The following PLCG2 variants were observed in gnomAD, a reference collection of about 807,000 sequenced individuals.
The protein encoded by PLCG2 is phospholipase C gamma 2, also known as 1-phosphatidylinositol 4,5-bisphosphate phosphodiesterase gamma-2.
PLCG2 carries 69 observed loss-of-function variants against 175.6 expected under a neutral mutation model. The observed-to-expected ratio is 0.39, with a 90% CI of 0.32 to 0.48. The LOEUF (loss-of-function observed/expected upper bound fraction) is 0.48. PLCG2 is among the 20% of genes least tolerant of loss of function. The pLI, the probability that PLCG2 is intolerant of heterozygous loss-of-function variation, is 0.91. For missense variants in PLCG2, 1,798 were observed against 1,650.9 expected, an observed-to-expected ratio of 1.09 and a Z score of -1.54; for synonymous variants, 827 against 624.0, an observed-to-expected ratio of 1.33 and a Z score of -4.85.
chr16:81,936,866 C>A (rs3934957), intron 27 of PLCG2, among the ~76,000 whole-genome samples: 1 of 152,016 alleles, frequency 6.6e-6, no homozygotes, highest in Non-Finnish European at 1.5e-5. Context: ...CATCAGTAGC[C>A]TCCTTTACAT....
At position 81,869,293 on chromosome 16, in the gene PLCG2, T is replaced by A. The variant is rs1401199637; in HGVS notation, c.559T>A (p.Phe187Ile). Residue 187 changes from phenylalanine to isoleucine, a missense_variant, in exon 6 of 33, where the codon TTT becomes ATT. Phe to Ile is a conservative substitution (Grantham distance 21). Transcript: ENST00000564138. ...CAGTGCCAAGTTCCTTAAAGATAAGTTTGTGGTAAGTTTCATGGCTCAGCC... is the reference window on the plus strand; with the variant it reads ...CAGTGCCAAGTTCCTTAAAGATAAGATTGTGGTAAGTTTCATGGCTCAGCC... ...VSSAKFLKDK[F>I]VEIGAHKDEL... The A allele has an allele frequency of 1.7e-5, 28 of 1,610,454 alleles. No individual in the cohort carries two copies. Among genetic ancestry groups the A allele is most frequent in the Non-Finnish European group, 2.4e-5 (28 of 1,176,822 alleles).
At position 81,818,883 on chromosome 16, in the gene PLCG2, A is replaced by ATTTTTTTTTTTTTTTTTTTTTTT. The variant is rs57346304; in HGVS notation, c.193+32703_193+32725dup. ...TCCATAAGCTAGTGTGGGCTCATGG[A>ATTTTTTTTTTTTTTTTTTTTTTT]TTTTTTTTTTTTTTTTTTTTTTTTA... On this transcript the variant is annotated intron_variant, in intron 2 of 32. Transcript: ENST00000564138. Among the ~76,000 whole-genome samples the ATTTTTTTTTTTTTTTTTTTTTTT allele has an allele frequency of 2.9e-4, 31 of 106,612 alleles. 1 individual carries two copies. The highest frequency in any genetic ancestry group is 1.2e-3 in the African/African-American group (29 of 24,952). The allele number at this position is 106,612 out of a possible 152,430, so 69.9% of individuals were successfully genotyped here.
At chr16:81,953,083 A>G (rs1484762378) in intron 31 of PLCG2, among the ~76,000 whole-genome samples, 1 of 152,212 alleles carries the variant, frequency 6.6e-6, no homozygotes, top group Non-Finnish European at 1.5e-5. Flanking sequence ...TTATAAGAAG[A>G]CACCAGACAA....
chr16:81,783,230 AAC>A (rs1473718335), intron 1 of PLCG2: 1 of 450,480 alleles, frequency 2.2e-6, no homozygotes, highest in Non-Finnish European at 4.5e-6. Context: ...CATGGCTGGG[AAC>A]AGTCAACATA....
At chr16:81,915,195 C>T (rs1049012620) in intron 19 of PLCG2, among the ~76,000 whole-genome samples, 4 of 152,084 alleles carry the variant, frequency 2.6e-5, no homozygotes, top group Admixed American at 1.3e-4. Context: ...TCCAGGGAAA[C>T]GGATGGGGAA....
At chr16:81,814,555 C>T (rs981281292) in intron 2 of PLCG2, among the ~76,000 whole-genome samples, 3 of 152,058 alleles carry the variant, frequency 2.0e-5, no homozygotes, top group Non-Finnish European at 4.4e-5. Context: ...ATTAGCCAGG[C>T]ATGGTGGCAT....
In PLCG2 at chr16:81,817,883, C is replaced by T. The variant is rs555612476; in HGVS notation, c.193+31701C>T. ...GAGACAAGCTCCCTGTGCTTATGAA[C>T]ATGTTCTCACGTTCCTTACTGTTTC... On this transcript the variant is annotated intron_variant, in intron 2 of 32. Transcript: ENST00000564138. Among the ~76,000 whole-genome samples, 5 of 152,352 alleles carry T rather than the reference C, an allele frequency of 3.3e-5. No individual in the cohort carries two copies. The East Asian group carries it at 5.8e-4, about 18-fold the overall frequency.
chr16:81,893,005 C>CTGTTT (rs371845782), intron 11 of PLCG2, among the ~76,000 whole-genome samples: 35 of 151,542 alleles, frequency 2.3e-4, no homozygotes, highest in Admixed American at 1.5e-3. Context: ...CCACCATGCC[C>CTGTTT]TGTTTTGTTT....
At chr16:81,825,032 G>A (rs1165271035) in intron 2 of PLCG2, among the ~76,000 whole-genome samples, 1 of 152,220 alleles carries the variant, frequency 6.6e-6, no homozygotes, top group African/African-American at 2.4e-5. Flanking sequence ...GGCCTCTAGA[G>A]CTGGGAAAGG....
intron 31 of PLCG2, among the ~76,000 whole-genome samples, chr16:81,953,785 T>C (rs1294703715): frequency 6.6e-6 from 1 of 152,204 alleles, no homozygotes; most frequent in Non-Finnish European, 1.5e-5. Flanking sequence ...ATCTCATATA[T>C]ATACAGTGTA....
At chr16:81,771,057 CAAAAAAAAAA>C (rs762815312) in intron 2 of PLCG2, among the ~76,000 whole-genome samples, 1 of 94,574 alleles carries the variant, frequency 1.1e-5, no homozygotes, top group African/African-American at 5.0e-5. Context: ...GACTCCATCT[CAAAAAAAAAA>C]AAAAATAAAT....
intron 2 of PLCG2, among the ~76,000 whole-genome samples, chr16:81,810,465 C>T (rs950433089): frequency 6.6e-6 from 1 of 152,214 alleles, no homozygotes; most frequent in Non-Finnish European, 1.5e-5. Flanking sequence ...ACCAGTAGTT[C>T]TGGCCCTTCT....
chr16:81,752,178 G>C (rs981236439), intron 1 of PLCG2, among the ~76,000 whole-genome samples: 1 of 152,150 alleles, frequency 6.6e-6, no homozygotes, highest in Non-Finnish European at 1.5e-5. Context: ...AGCTCCCACT[G>C]TTCCCCAACA....
rs184867194 is a variant in PLCG2 at position 81,834,324 on chromosome 16, G to A, written c.194-20120G>A. On this transcript the variant is annotated intron_variant, in intron 2 of 32. Transcript: ENST00000564138. ...TGAACTTGACCTCGGAGGGCTCGGT[G>A]TTCTGCTGGCTGCTGGCAGAATTGT... Among the ~76,000 whole-genome samples the A allele has an allele frequency of 6.6e-5, 10 of 152,216 alleles. No individual in the cohort carries two copies. The East Asian group carries it at 1.9e-3, about 29-fold the overall frequency.
intron 23 of PLCG2, among the ~76,000 whole-genome samples, chr16:81,927,854 C>T (rs1161212870): frequency 1.3e-5 from 2 of 152,108 alleles, no homozygotes; most frequent in Admixed American, 1.3e-4. Context: ...ACAGTCTAAG[C>T]AAAGGTGTGG....
At chr16:81,860,188 G>A (rs913563355) in intron 5 of PLCG2, among the ~76,000 whole-genome samples, 2 of 60,340 alleles carry the variant, frequency 3.3e-5, no homozygotes, top group African/African-American at 6.0e-5. Flanking sequence ...TTTTTTTTTT[G>A]TAAAGGTGAA....
chr16:81,879,902 A>G (rs1180780078), intron 7 of PLCG2, among the ~76,000 whole-genome samples: 1 of 152,214 alleles, frequency 6.6e-6, no homozygotes, highest in Non-Finnish European at 1.5e-5. Context: ...GAGCTGAAGC[A>G]GTCCGATATT....
chr16:81,953,882 G>A (rs891765204), intron 31 of PLCG2, among the ~76,000 whole-genome samples: 3 of 152,258 alleles, frequency 2.0e-5, no homozygotes, highest in Admixed American at 6.5e-5. Context: ...AGCATTCATA[G>A]AAAAGGTGAA....
intron 2 of PLCG2, among the ~76,000 whole-genome samples, chr16:81,845,604 A>T (rs916099241): frequency 2.6e-5 from 4 of 152,222 alleles, no homozygotes; most frequent in Admixed American, 2.0e-4. Context: ...ATGAATTTGC[A>T]GCCCCTGCAC....
Sources: gnomAD v4.1 joint callset for allele counts (sites outside exome capture counted in the v4.1 genomes callset) on GRCh38, gnomAD v4.1.1 for gene constraint, MANE v1.5 for transcripts, NCBI Gene and HGNC (gene_info 2026-07-23, HGNC 2026-07-21) for gene names.